The following AFG3L2 variants were observed in gnomAD, a reference collection of about 807,000 sequenced individuals.
AFG3L2 encodes the protein mitochondrial inner membrane m-AAA protease component AFG3L2.
AFG3L2 carries 54 observed loss-of-function variants against 94.5 expected under a neutral mutation model. The observed-to-expected ratio is 0.57, with a 90% CI of 0.46 to 0.72. The LOEUF is 0.72. AFG3L2 is among the 30% of genes least tolerant of loss of function. The pLI, the probability that AFG3L2 is intolerant of heterozygous loss-of-function variation, is 0.00. For synonymous variants in AFG3L2, 377 were observed against 365.5 expected (o/e 1.03, Z -0.36); for missense variants, 754 against 994.9 (o/e 0.76, Z 3.26).
chr18:12,373,239 T>C (rs1180797064), intron 1 of AFG3L2, among the ~76,000 whole-genome samples: 2 of 152,186 alleles, frequency 1.3e-5, no homozygotes, highest in East Asian at 3.8e-4. Flanking sequence ...AAATAACCAC[T>C]GATAACAGAT....
intron 6 of AFG3L2, 167 bp from the exon 7 acceptor site, chr18:12,360,218 C>T (rs1256997953): frequency 8.9e-6 from 6 of 676,458 alleles, no homozygotes. Flanking sequence ...GATTAAATGT[C>T]ACTCATTGAG....
Position 12,329,409 on chromosome 18 carries a change from G to C in AFG3L2, c.*156C>G. The C allele has an allele frequency of 3.7e-6, 3 of 809,998 alleles. No individual in the cohort carries two copies. Among genetic ancestry groups the C allele is most frequent in the Non-Finnish European group, 6.3e-6 (3 of 479,064 alleles). The allele number at this position is 809,998 out of a possible 1,614,324, so 50.2% of individuals were successfully genotyped here. ...CCTGCCACCCACTGTGACCTCTGAG[G>C]CTGAAAGGACTAAGGACTCCTTTCC... On this transcript the variant is annotated 3_prime_UTR_variant, in exon 17 of 17. Transcript: ENST00000269143.
At chr18:12,359,609 G>A (rs1351911909) in intron 7 of AFG3L2, among the ~76,000 whole-genome samples, 1 of 151,960 alleles carries the variant, frequency 6.6e-6, no homozygotes, top group East Asian at 1.9e-4. Context: ...CATGGTGGTG[G>A]AAGCCTATAA....
At chr18:12,360,576 A>G (rs1446505955) in intron 6 of AFG3L2, among the ~76,000 whole-genome samples, 2 of 152,078 alleles carry the variant, frequency 1.3e-5, no homozygotes, top group Non-Finnish European at 2.9e-5. Context: ...CGAGCACCGC[A>G]CCCCACTGTG....
intron 5 of AFG3L2, among the ~76,000 whole-genome samples, chr18:12,365,758 G>A (rs1363257608): frequency 2.0e-5 from 3 of 151,762 alleles, no homozygotes; most frequent in Non-Finnish European, 4.4e-5. Context: ...TATTCATGTC[G>A]TCTTACTTTA....
chr18:12,346,712 T>C (rs774401795), intron 13 of AFG3L2, among the ~76,000 whole-genome samples: 2 of 152,126 alleles, frequency 1.3e-5, no homozygotes, highest in Non-Finnish European at 2.9e-5. Context: ...GAGATCAGCC[T>C]GGCCAACATG....
intron 15 of AFG3L2, among the ~76,000 whole-genome samples, chr18:12,338,301 A>T (rs1380856564): frequency 1.3e-5 from 2 of 152,206 alleles, no homozygotes; most frequent in Non-Finnish European, 2.9e-5. Context: ...GACCTGAAGA[A>T]ACAAGAACCC....
intron 8 of AFG3L2, 26 bp from the exon 9 acceptor site, chr18:12,356,857 A>G (rs747229725): frequency 6.2e-7 from 1 of 1,611,160 alleles, no homozygotes. Context: ...AAGAAATTAC[A>G]TTTAATGAGA....
chr18:12,337,778 C>T (rs891142605), intron 15 of AFG3L2, among the ~76,000 whole-genome samples: 4 of 149,022 alleles, frequency 2.7e-5, no homozygotes, highest in South Asian at 2.1e-4. Flanking sequence ...TGATTTCTCT[C>T]TTTTTTTTTT....
intron 16 of AFG3L2, among the ~76,000 whole-genome samples, chr18:12,334,962 C>A (rs988515198): frequency 6.6e-6 from 1 of 152,204 alleles, no homozygotes; most frequent in Non-Finnish European, 1.5e-5. Flanking sequence ...AAAATAAAAT[C>A]TCGGGACCCT....
chr18:12,356,029 C>A (rs1908483196), intron 9 of AFG3L2, among the ~76,000 whole-genome samples: 1 of 146,852 alleles, frequency 6.8e-6, no homozygotes, highest in Non-Finnish European at 1.5e-5. Context: ...GATGGTTGCA[C>A]AAATCTGTGA....
chr18:12,367,239 C>G, intron 4 of AFG3L2, 37 bp downstream of exon 4: 2 of 1,613,768 alleles, frequency 1.2e-6, no homozygotes, highest in Non-Finnish European at 1.7e-6. Flanking sequence ...GGGCCACCAT[C>G]ATAACCTCAA....
At chr18:12,357,742 C>T (rs952564759) in intron 8 of AFG3L2, among the ~76,000 whole-genome samples, 1 of 152,034 alleles carries the variant, frequency 6.6e-6, no homozygotes, top group African/African-American at 2.4e-5. Flanking sequence ...GGATTACAGG[C>T]GCACAACACC....
Position 12,348,157 on chromosome 18 carries a change from C to T in AFG3L2, c.1663+116G>A, listed in dbSNP as rs923391623. The T allele has an allele frequency of 6.7e-5, 57 of 847,656 alleles. No homozygotes were observed. The African/African-American group carries it at 8.2e-4, about 12-fold the overall frequency. 52.5% of individuals were successfully genotyped at this position (847,656 alleles called of 1,614,324 possible). ...CCAAGAGAGCACAAATGTGGTGGGC[C>T]CCAGGGCTGAGTGGATACACTTTCT... On this transcript the variant is annotated intron_variant, in intron 13 of 16. Transcript: ENST00000269143.
chr18:12,332,681 TATA>T (rs776292637), intron 16 of AFG3L2, among the ~76,000 whole-genome samples: 1 of 144,494 alleles, frequency 6.9e-6, no homozygotes, highest in African/African-American at 2.7e-5. Flanking sequence ...TATATATATA[TATA>T]TTTTTTGTCT....
intron 7 of AFG3L2, 59 bp from the exon 8 acceptor site, chr18:12,359,002 G>A: frequency 3.8e-6 from 6 of 1,561,178 alleles, no homozygotes; most frequent in Non-Finnish European, 5.2e-6. Context: ...GCTTTCACAT[G>A]TGGTGCAAGA....
intron 12 of AFG3L2, among the ~76,000 whole-genome samples, 173 bp from the exon 13 acceptor site, chr18:12,348,556 T>A (rs1322824301): frequency 6.6e-6 from 1 of 152,256 alleles, no homozygotes; most frequent in African/African-American, 2.4e-5. Flanking sequence ...TATTCTAGCG[T>A]TTAATGTAAG....
intron 12 of AFG3L2, among the ~76,000 whole-genome samples, chr18:12,349,366 T>C (rs1232698357): frequency 6.6e-6 from 1 of 152,172 alleles, no homozygotes; most frequent in Non-Finnish European, 1.5e-5. Flanking sequence ...CTCAAAAAGT[T>C]AGAGTTACCA....
rs1352197297 is a variant in AFG3L2 at position 12,377,227 on chromosome 18, C to T, written c.-145G>A. 3 of 654,940 alleles carry T rather than the reference C, an allele frequency of 4.6e-6. No individual in the cohort carries two copies. Among genetic ancestry groups the T allele is most frequent in the Non-Finnish European group, 7.7e-6 (3 of 391,170 alleles). The allele number at this position is 654,940 out of a possible 1,614,324, so 40.6% of individuals were successfully genotyped here. ...CGGCTCACGGAGGAGCCCAAGCTCT[C>T]AACGCGGCGTCTCCTGCCGCCAGCC... On this transcript the variant is annotated 5_prime_UTR_variant, in exon 1 of 17. Coordinates refer to ENST00000269143, the MANE Select transcript of AFG3L2 (RefSeq NM_006796.3).
Sources: allele counts gnomAD v4.1 joint callset (sites outside exome capture counted in the v4.1 genomes callset), GRCh38; gene constraint gnomAD v4.1.1; transcripts MANE v1.5; gene names NCBI Gene and HGNC (gene_info 2026-07-23, HGNC 2026-07-21).